The following IQSEC1 variants were observed in gnomAD, a reference collection of about 807,000 sequenced individuals.
IQSEC1 encodes IQ motif and SEC7 domain-containing protein 1.
IQSEC1 carries 31 observed loss-of-function variants against 91.0 expected under a neutral mutation model. The observed-to-expected ratio is 0.34, with a 90% confidence interval of 0.26 to 0.46. The LOEUF (loss-of-function observed/expected upper bound fraction) is 0.46. Among genes scored for constraint, IQSEC1 ranks in the 20% least tolerant of loss-of-function variants. IQSEC1 has a pLI of 1.00. For synonymous variants in IQSEC1, 699 were observed against 662.6 expected (o/e 1.05, Z -0.84); for missense variants, 1,388 against 1,575.6 (o/e 0.88, Z 2.02).
At chr3:13,251,060 C>T (rs1235826056) in intron 1 of IQSEC1, among the ~76,000 whole-genome samples, 2 of 152,204 alleles carry the variant, frequency 1.3e-5, no homozygotes, top group Admixed American at 6.5e-5. Flanking sequence ...TTACCCTCCC[C>T]CGGCTCCCCC....
chr3:13,050,842 T>A (rs958193170), intron 1 of IQSEC1, among the ~76,000 whole-genome samples: 1 of 152,240 alleles, frequency 6.6e-6, no homozygotes, highest in African/African-American at 2.4e-5. Context: ...TTATATTGTA[T>A]TATATTACAT....
chr3:13,170,120 T>C (rs561190310), intron 1 of IQSEC1, among the ~76,000 whole-genome samples: 1 of 152,344 alleles, frequency 6.6e-6, no homozygotes, highest in East Asian at 1.9e-4. Flanking sequence ...CCCCAAGCTG[T>C]GTGCAGCCTA....
rs866274367 is a variant in IQSEC1 at position 12,901,333 on chromosome 3, C to T, written c.2995G>A (p.Val999Met). The change falls in exon 14 of 14, where the codon GTG becomes ATG. Residue 999 changes from valine (V) to methionine (M), a missense_variant. This residue lies in a region of IQSEC1 where 329 missense variants were observed against 257.8 expected (regional missense o/e 1.28). Transcript: ENST00000613206. ...APALPPPHPPVVLPHLQHSVA... is the reference protein window; with the variant it reads ...APALPPPHPPMVLPHLQHSVA... Reference sequence around the variant, plus strand: ...GAGTGCTGCAAGTGAGGCAGGACCACCGGTGGGTGGGGGGGTGGCAGGGCT... The same window carrying T: ...GAGTGCTGCAAGTGAGGCAGGACCATCGGTGGGTGGGGGGGTGGCAGGGCT... 1.3e-6 allele frequency: 2 copies of T among 1,528,672 alleles called. No individual in the cohort carries two copies. The highest frequency in any genetic ancestry group is 1.8e-6 in the Non-Finnish European group (2 of 1,136,556). The allele number at this position is 1,528,672 out of a possible 1,614,324, so 94.7% of individuals were successfully genotyped here.
At chr3:13,184,091 G>C (rs1380704295) in intron 1 of IQSEC1, among the ~76,000 whole-genome samples, 1 of 152,206 alleles carries the variant, frequency 6.6e-6, no homozygotes, top group Non-Finnish European at 1.5e-5. Flanking sequence ...AACAAGTGAA[G>C]AAGAGATAAC....
At chr3:12,961,773 G>A (rs1372603789) in intron 1 of IQSEC1, among the ~76,000 whole-genome samples, 1 of 152,186 alleles carries the variant, frequency 6.6e-6, no homozygotes, top group Non-Finnish European at 1.5e-5. Context: ...ATGCACTGTT[G>A]AAGCACTCAC....
chr3:12,967,758 G>C lies in IQSEC1; in HGVS notation c.24-25893C>G, dbSNP rs1326179928. The stretch of plus-strand genomic sequence containing the variant: ...GCGGGGCAGGGCGGGGGCGGGGCCG[G>C]AGGGCGAGCTGGGGGCGGGGCCGGA... On this transcript the variant is annotated intron_variant, in intron 1 of 13. Transcript: ENST00000613206. This position sits in a 1 kb window ranked among gnomAD's most constrained non-coding sequence, Gnocchi z 5.9. 8.1e-6 allele frequency: 8 copies of C among 993,110 alleles called. No individual in the cohort carries two copies. Among genetic ancestry groups the C allele is most frequent in the South Asian group, 9.5e-5 (2 of 21,112 alleles). 61.5% of individuals were successfully genotyped at this position (993,110 alleles called of 1,614,324 possible). A position where few individuals can be genotyped will look rare whatever the true frequency, so the allele number is the denominator to read the frequency against.
At chr3:13,022,222 G>C (rs1304119343) in intron 1 of IQSEC1, 2 of 1,228,894 alleles carry the variant, frequency 1.6e-6, no homozygotes, top group Admixed American at 4.2e-5. Flanking sequence ...CCTTCTTCAT[G>C]GTAGGAAGAA....
At chr3:13,133,072 A>G (rs935260875) in intron 2 of IQSEC1, among the ~76,000 whole-genome samples, 3 of 152,242 alleles carry the variant, frequency 2.0e-5, no homozygotes, top group Non-Finnish European at 4.4e-5. Context: ...GTAACACCAT[A>G]TGTCTAACCA....
chr3:12,980,215 T>C (rs1347618232), intron 1 of IQSEC1, among the ~76,000 whole-genome samples: 1 of 152,182 alleles, frequency 6.6e-6, no homozygotes, highest in Non-Finnish European at 1.5e-5. Flanking sequence ...ACAGAGGGGT[T>C]AAATGACTCA....
chr3:13,174,567 C>A (rs1373029607), intron 1 of IQSEC1, among the ~76,000 whole-genome samples: 1 of 152,120 alleles, frequency 6.6e-6, no homozygotes, highest in Non-Finnish European at 1.5e-5. Context: ...TGCTGTCAGC[C>A]CCCAGAAGGC....
At chr3:13,054,828 G>T (rs1374748462) in intron 1 of IQSEC1, among the ~76,000 whole-genome samples, 1 of 152,254 alleles carries the variant, frequency 6.6e-6, no homozygotes, top group Non-Finnish European at 1.5e-5. Context: ...ACTCGGGTCA[G>T]ACGGACCCTG....
At position 12,967,755 on chromosome 3, in the gene IQSEC1, CCGGAG is replaced by C; in HGVS notation, c.24-25895_24-25891del. The C allele has an allele frequency of 1.0e-6, 1 of 1,004,970 alleles. No individual in the cohort carries two copies. The highest frequency in any genetic ancestry group is 1.2e-6 in the Non-Finnish European group (1 of 834,964). 62.3% of individuals were successfully genotyped at this position (1,004,970 alleles called of 1,614,324 possible). On this transcript the variant is annotated intron_variant, in intron 1 of 13. Coordinates refer to ENST00000613206, the MANE Select transcript of IQSEC1 (RefSeq NM_001134382.3). The surrounding 1 kb of genome is among the most constrained non-coding windows in gnomAD (Gnocchi z 5.9). ...TGGGCGGGGCAGGGCGGGGGCGGGGCCGGAGGGCGAGCTGGGGGCGGGGCCGGAGG... is the reference window on the plus strand; with the variant it reads ...TGGGCGGGGCAGGGCGGGGGCGGGGCGGCGAGCTGGGGGCGGGGCCGGAGG...
chr3:12,904,956 G>A (rs186388496), intron 12 of IQSEC1, among the ~76,000 whole-genome samples: 34 of 152,276 alleles, frequency 2.2e-4, no homozygotes, highest in Middle Eastern at 3.4e-3. Context: ...TTGGAGTGAC[G>A]CTGAGTGTCT....
intron 1 of IQSEC1, among the ~76,000 whole-genome samples, chr3:12,982,873 C>T (rs557368960): frequency 7.9e-5 from 12 of 152,232 alleles, no homozygotes; most frequent in South Asian, 2.1e-4. Context: ...TGGAGGAAAC[C>T]GAGGCTGTTT....
intron 2 of IQSEC1, among the ~76,000 whole-genome samples, chr3:13,082,676 C>A (rs1246467658): frequency 6.6e-6 from 1 of 152,240 alleles, no homozygotes; most frequent in African/African-American, 2.4e-5. Flanking sequence ...ACCCCTAGCC[C>A]CGCACTGGGA....
intron 1 of IQSEC1, among the ~76,000 whole-genome samples, chr3:12,959,123 G>A (rs1417096065): frequency 5.3e-5 from 8 of 152,208 alleles, no homozygotes; most frequent in Admixed American, 3.9e-4. Flanking sequence ...GCCTGGGCAG[G>A]AGCCAGATCA....
chr3:13,106,373 T>C (rs1352451854), intron 2 of IQSEC1, among the ~76,000 whole-genome samples: 2 of 152,112 alleles, frequency 1.3e-5, no homozygotes, highest in African/African-American at 4.8e-5. Flanking sequence ...GTCCCCTTCT[T>C]ATTTGGGGAC....
At chr3:13,218,408 G>C (rs1456013059) in intron 1 of IQSEC1, among the ~76,000 whole-genome samples, 3 of 152,180 alleles carry the variant, frequency 2.0e-5, no homozygotes, top group African/African-American at 7.2e-5. Flanking sequence ...TGGCTGGTGA[G>C]AGAAAAAGAC....
At chr3:13,176,344 T>C (rs530496642) in intron 1 of IQSEC1, among the ~76,000 whole-genome samples, 45 of 152,216 alleles carry the variant, frequency 3.0e-4, no homozygotes, top group African/African-American at 9.4e-4. Context: ...CGGGGGTCTT[T>C]AGTAATATAG....
Sources: gnomAD v4.1 joint callset for allele counts (sites outside exome capture counted in the v4.1 genomes callset) on GRCh38, gnomAD v4.1.1 for gene constraint, gnomAD v4.1.1 regional missense constraint, Gnocchi (gnomAD v3.1) non-coding constraint, MANE v1.5 for transcripts, NCBI Gene and HGNC (gene_info 2026-07-23, HGNC 2026-07-21) for gene names.